Variants in PCMTD2 observed in about 807,000 individuals in gnomAD.
The protein encoded by PCMTD2 is protein-L-isoaspartate O-methyltransferase domain-containing protein 2.
In PCMTD2, 16 loss-of-function variants were observed where a neutral mutation model predicts 33.4. That is an observed-to-expected ratio of 0.48 (90% confidence interval 0.32 to 0.73). PCMTD2 has a LOEUF of 0.73. Among genes scored for constraint, PCMTD2 ranks in the 30% least tolerant of loss-of-function variants. The pLI is 0.03. For synonymous variants in PCMTD2, 161 were observed against 160.8 expected, an observed-to-expected ratio of 1.00 and a Z score of -0.01; for missense variants, 374 against 449.9, an observed-to-expected ratio of 0.83 and a Z score of 1.53.
intron 5 of PCMTD2, among the ~76,000 whole-genome samples, chr20:64,269,409 C>T (rs983247775): frequency 2.0e-5 from 3 of 152,254 alleles, no homozygotes; most frequent in Middle Eastern, 3.4e-3. Flanking sequence ...AGAATCATGA[C>T]AATGTGGTGG....
intron 2 of PCMTD2, among the ~76,000 whole-genome samples, chr20:64,262,225 G>A (rs143499433): frequency 8.0e-4 from 121 of 152,054 alleles, no homozygotes; most frequent in African/African-American, 2.8e-3. Flanking sequence ...CTGCACTCCA[G>A]TCTGGCTAAC....
chr20:64,272,539 C>T (rs1985951716), intron 5 of PCMTD2, among the ~76,000 whole-genome samples: 1 of 152,228 alleles, frequency 6.6e-6, no homozygotes, highest in Non-Finnish European at 1.5e-5. Flanking sequence ...GAATATTAGG[C>T]CGGGCACAGT....
Position 64,272,004 on chromosome 20 carries a change from C to G in PCMTD2, c.707-1217C>G, listed in dbSNP as rs935421972. On this transcript the variant is annotated intron_variant, in intron 5 of 5. Transcript: ENST00000308824. ...CGGGTCACAGATGGGGCAAGAGGCA[C>G]GATCGTGGTGTTGAGTGAAGAGAAA... 1.5e-4 allele frequency: 50 copies of G among 341,778 alleles called. 1 individual carries two copies. The highest frequency in any genetic ancestry group is 1.1e-3 in the South Asian group (49 of 44,174). The allele number at this position is 341,778 out of a possible 1,614,324, so 21.2% of individuals were successfully genotyped here.
At position 64,273,565 on chromosome 20, in the gene PCMTD2, C is replaced by G. The variant is rs1411715654; in HGVS notation, c.1051C>G (p.Leu351Val). 2 of 1,529,662 alleles carry G rather than the reference C, an allele frequency of 1.3e-6. No individual in the cohort carries two copies. Among genetic ancestry groups the G allele is most frequent in the Admixed American group, 2.3e-5 (1 of 44,322 alleles). The allele number at this position is 1,529,662 out of a possible 1,614,324, so 94.8% of individuals were successfully genotyped here. ...KVLSLPLPDP[L>V]KYYLLYYREK Reference sequence around the variant, plus strand: ...CCTGAGCCTCCCTCTGCCAGATCCCCTGAAATACTACTTGCTTTATTACAG... The same window carrying G: ...CCTGAGCCTCCCTCTGCCAGATCCCGTGAAATACTACTTGCTTTATTACAG... Residue 351 changes from leucine to valine, a missense_variant, in exon 6 of 6, where the codon CTG (leucine) becomes GTG (valine). Leu to Val is a conservative substitution (Grantham distance 32). Transcript: ENST00000308824.
rs564801219 is a variant in PCMTD2, at chr20:64,260,913, C to G, written c.307+641C>G. 1.7e-4 allele frequency among the ~76,000 whole-genome samples: 26 copies of G among 152,122 alleles called. 1 individual carries two copies. The South Asian group carries it at 5.2e-3, about 30-fold the overall frequency. ...CTCGCCATGTTTCCCAGGCTGGTCT[C>G]AAACTCCTGGGCGCCAGCTCTCCAC... On this transcript the variant is annotated intron_variant, in intron 2 of 5. Transcript: ENST00000308824.
Position 64,273,320 on chromosome 20 carries a change from A to C in PCMTD2, c.806A>C (p.Asn269Thr), listed in dbSNP as rs1255386034. The C allele has an allele frequency of 6.2e-7, 1 of 1,614,144 alleles. No homozygotes were observed. Among genetic ancestry groups the C allele is most frequent in the South Asian group, 1.1e-5 (1 of 91,080 alleles). ...IHQETVSKNG[N>T]GLKNTPRFKR... Reference sequence around the variant, plus strand: ...CAGGAAACTGTGAGCAAAAACGGAAACGGACTAAAGAACACCCCCAGGTTT... The same window carrying C: ...CAGGAAACTGTGAGCAAAAACGGAACCGGACTAAAGAACACCCCCAGGTTT... Residue 269 changes from asparagine (N) to threonine (T), a missense_variant, in exon 6 of 6, where the codon AAC becomes ACC. Physicochemically the swap from Asn to Thr is moderately conservative, Grantham distance 65. Coordinates refer to ENST00000308824, the MANE Select transcript of PCMTD2 (RefSeq NM_018257.3).
Position 64,271,863 on chromosome 20 carries a change from G to A in PCMTD2, c.707-1358G>A, listed in dbSNP as rs754729058. 117 of 195,294 alleles carry A rather than the reference G, an allele frequency of 6.0e-4. 1 individual carries two copies. Among genetic ancestry groups the A allele is most frequent in the Non-Finnish European group, 1.7e-4 (16 of 92,006 alleles). The allele number at this position is 195,294 out of a possible 1,614,324, so 12.1% of individuals were successfully genotyped here. ...TGAGGGCCGGGACCCCGAGGGCCTCGGAAGGAGTTGTTTCAGCCTCTTGGG... is the reference window on the plus strand; with the variant it reads ...TGAGGGCCGGGACCCCGAGGGCCTCAGAAGGAGTTGTTTCAGCCTCTTGGG... On this transcript the variant is annotated intron_variant, in intron 5 of 5. Transcript: ENST00000308824.
chr20:64,272,166 C>T, intron 5 of PCMTD2: 1 of 369,808 alleles, frequency 2.7e-6, no homozygotes. Flanking sequence ...GGGACACAAG[C>T]CTGTTTGAGG....
chr20:64,268,940 G>A (rs1483405409), intron 5 of PCMTD2, among the ~76,000 whole-genome samples: 1 of 152,202 alleles, frequency 6.6e-6, no homozygotes, highest in Admixed American at 6.5e-5. Flanking sequence ...TTGGCAGAGG[G>A]TGATGTCTGT....
intron 2 of PCMTD2, 82 bp downstream of exon 2, chr20:64,260,354 T>G: frequency 1.0e-6 from 1 of 968,838 alleles, no homozygotes; most frequent in South Asian, 1.5e-5. Context: ...AGTCTGCTAA[T>G]GGCCTGCCTG....
intron 5 of PCMTD2, among the ~76,000 whole-genome samples, chr20:64,269,305 T>A (rs1985787750): frequency 6.6e-6 from 1 of 152,164 alleles, no homozygotes; most frequent in South Asian, 2.1e-4. Context: ...TTAGCAGAGT[T>A]TGGGAAGGCA....
chr20:64,268,331 G>C (rs1057448455), intron 5 of PCMTD2, among the ~76,000 whole-genome samples: 3 of 152,236 alleles, frequency 2.0e-5, no homozygotes, highest in African/African-American at 7.2e-5. Context: ...ACTGGGAGGG[G>C]CTTACAGAAA....
chr20:64,258,129 G>A (rs570363632), intron 1 of PCMTD2, among the ~76,000 whole-genome samples: 1 of 152,322 alleles, frequency 6.6e-6, no homozygotes, highest in Admixed American at 6.5e-5. Flanking sequence ...GGGTGAAGAG[G>A]TGGCTTTGAC....
Position 64,273,763 on chromosome 20 carries a change from A to G in PCMTD2, c.*163A>G, listed in dbSNP as rs1238024725. The stretch of plus-strand genomic sequence containing the variant: ...TTCTTCTAGTTCCTGATTGACCTCT[A>G]AAATTCTATTCAGTTGTATGATTTG... On this transcript the variant is annotated 3_prime_UTR_variant, in exon 6 of 6. Transcript: ENST00000308824. 3.9e-6 allele frequency: 2 copies of G among 509,620 alleles called. No homozygotes were observed. The highest frequency in any genetic ancestry group is 3.7e-5 in the Admixed American group (1 of 27,242). 31.6% of individuals were successfully genotyped at this position (509,620 alleles called of 1,614,324 possible). A position where few individuals can be genotyped will look rare whatever the true frequency, so the allele number is the denominator to read the frequency against.
intron 5 of PCMTD2, among the ~76,000 whole-genome samples, chr20:64,269,124 G>A (rs1254825320): frequency 6.6e-6 from 1 of 152,248 alleles, no homozygotes; most frequent in African/African-American, 2.4e-5. Flanking sequence ...GTAGGCTGGG[G>A]AGAGCTATCA....
At chr20:64,264,066 G>C (rs138162707) in intron 2 of PCMTD2, among the ~76,000 whole-genome samples, 1 of 152,320 alleles carries the variant, frequency 6.6e-6, no homozygotes, top group Non-Finnish European at 1.5e-5. Flanking sequence ...GCTCACATCT[G>C]AGTGTTCTGG....
At chr20:64,256,417 A>T (rs754109971) in intron 1 of PCMTD2, among the ~76,000 whole-genome samples, 16 of 152,146 alleles carry the variant, frequency 1.1e-4, no homozygotes, top group Non-Finnish European at 1.8e-4. Flanking sequence ...TGTTTTTGTG[A>T]GAGGGACGTG....
chr20:64,268,653 T>C (rs1184637324), intron 5 of PCMTD2, among the ~76,000 whole-genome samples: 1 of 151,866 alleles, frequency 6.6e-6, no homozygotes, highest in Non-Finnish European at 1.5e-5. Flanking sequence ...ACTATCAGGA[T>C]GCTCTCTGAT....
At position 64,273,434 on chromosome 20, in the gene PCMTD2, A is replaced by T. The variant is rs149434467; in HGVS notation, c.920A>T (p.Asp307Val). The T allele has an allele frequency of 6.2e-7, 1 of 1,613,996 alleles. No individual in the cohort carries two copies. The highest frequency in any genetic ancestry group is 1.3e-5 in the African/African-American group (1 of 74,900). Residue 307 changes from aspartate to valine, a missense_variant, in exon 6 of 6, where the codon GAT (aspartate) becomes GTT (valine). Physicochemically the swap from Asp to Val is radical, Grantham distance 152. Transcript: ENST00000308824. ...VFASRISNPS[D>V]DNSCEDLEEE... ...GCCAGTCGGATTTCCAACCCCTCAG[A>T]TGACAACAGCTGTGAAGACTTGGAA...
Sources: gnomAD v4.1 joint callset for allele counts (sites outside exome capture counted in the v4.1 genomes callset) on GRCh38, gnomAD v4.1.1 for gene constraint, MANE v1.5 for transcripts, NCBI Gene and HGNC (gene_info 2026-07-23, HGNC 2026-07-21) for gene names.